The following KLHL13 variants were observed in gnomAD, a reference collection of about 807,000 sequenced individuals.
The protein encoded by KLHL13 is kelch-like protein 13.
In KLHL13, 10 loss-of-function variants were observed where a neutral mutation model predicts 37.1. The ratio of observed to expected loss-of-function variants is 0.27; its 90% CI spans 0.17 to 0.46. The LOEUF is 0.46. KLHL13 is among the 20% of genes least tolerant of loss of function. The pLI is 1.00. For synonymous variants in KLHL13, 163 were observed against 181.2 expected (o/e 0.90, Z 0.81); for missense variants, 360 against 509.3 (o/e 0.71, Z 2.82).
chrX:118,089,598 G>A (rs1385729501), intron 1 of KLHL13, among the ~76,000 whole-genome samples: 1 of 81,820 alleles, frequency 1.2e-5, no homozygotes, highest in African/African-American at 5.2e-5. Context: ...AAGAGAGAGA[G>A]AGAGAGAGAG....
chrX:118,042,827 C>A (rs2054518825), intron 1 of KLHL13, among the ~76,000 whole-genome samples: 1 of 108,487 alleles, frequency 9.2e-6, no homozygotes, highest in African/African-American at 3.4e-5. Flanking sequence ...AACAGTGCAT[C>A]TTAGAGAAAT....
At chrX:118,107,914 G>A (rs918390563) in intron 1 of KLHL13, among the ~76,000 whole-genome samples, 10 of 111,456 alleles carry the variant, frequency 9.0e-5, no homozygotes, top group South Asian at 3.9e-4. Context: ...TTAGCCAGGC[G>A]TGGTGGCATG....
At chrX:118,116,865 T>TGG (rs764710116), upstream of KLHL13, 3 of 12,951 alleles carry the variant, frequency 2.3e-4, no homozygotes, top group Non-Finnish European at 4.7e-4. Context: ...GAGGGGGCAG[T>TGG]GGGGGGGGGA....
At chrX:117,976,889 T>C (rs896351868), upstream of KLHL13, among the ~76,000 whole-genome samples, 1 of 112,197 alleles carries the variant, frequency 8.9e-6, no homozygotes, top group East Asian at 2.8e-4. Flanking sequence ...AGGAGAAGAT[T>C]TGTTGAAATT....
At chrX:117,959,271 G>GT (rs1462765491) in intron 1 of KLHL13, among the ~76,000 whole-genome samples, 1 of 112,032 alleles carries the variant, frequency 8.9e-6, no homozygotes, top group Admixed American at 9.5e-5. Flanking sequence ...GAAAGTGATC[G>GT]TAACGAATGA....
intron 1 of KLHL13, among the ~76,000 whole-genome samples, chrX:117,958,835 C>T (rs1262222029): frequency 9.0e-5 from 10 of 111,379 alleles, no homozygotes; most frequent in Admixed American, 4.8e-4. Flanking sequence ...AATAACAAAA[C>T]GATTGCCAAC....
Position 118,080,042 on chromosome X carries a change from A to G in KLHL13, c.-56+36466T>C, listed in dbSNP as rs982180624. Among the ~76,000 whole-genome samples the G allele has an allele frequency of 2.7e-5, 3 of 111,864 alleles. No homozygotes were observed. The Admixed American group carries it at 2.9e-4, about 11-fold the overall frequency. On this transcript the variant is annotated intron_variant, in intron 1 of 6. Transcript: ENST00000371882. ...ACAAGCAACGGGATAAGGACTCCCT[A>G]TTCAATAAATGGTGCTGGGATACTT...
intron 1 of KLHL13, chrX:117,985,306 C>G (rs1235786873): frequency 8.8e-7 from 1 of 1,138,936 alleles, no homozygotes; most frequent in Non-Finnish European, 1.2e-6. Context: ...GGATCCCTCT[C>G]TCATCAAATT....
chrX:117,933,335 C>T (rs983775515), intron 2 of KLHL13, among the ~76,000 whole-genome samples: 1 of 111,103 alleles, frequency 9.0e-6, no homozygotes, highest in Non-Finnish European at 1.9e-5. Context: ...TGGGACAGAA[C>T]AGAGAACCCA....
rs1055802888 is a variant in KLHL13 at position 117,909,971 on chromosome X, G to C, written c.696C>G (p.Phe232Leu). ...CAAGACGCTCAAAAGGGAGTTTCAAGAACTCCCCTGTGCTCAGCAATGCAG... is the reference window on the plus strand; with the variant it reads ...CAAGACGCTCAAAAGGGAGTTTCAACAACTCCCCTGTGCTCAGCAATGCAG... The change falls in exon 5 of 7, where the codon TTC becomes TTG. Residue 232 changes from phenylalanine to leucine, a missense_variant. Phe to Leu is a conservative substitution (Grantham distance 22, BLOSUM62 0). Transcript: ENST00000262820. 2.5e-6 allele frequency: 3 copies of C among 1,208,776 alleles called. No homozygotes were observed. The African/African-American group carries it at 5.2e-5, about 21-fold the overall frequency.
At chrX:118,069,864 ATT>A (rs1477726106) in intron 1 of KLHL13, among the ~76,000 whole-genome samples, 4 of 112,367 alleles carry the variant, frequency 3.6e-5, no homozygotes, top group African/African-American at 1.3e-4. Context: ...AGGCATTCAC[ATT>A]CTCTTCTCAC....
Position 118,040,860 on chromosome X carries a change from G to T in KLHL13, c.-56+75648C>A, listed in dbSNP as rs150968013. Among the ~76,000 whole-genome samples, 270 of 112,288 alleles carry T rather than the reference G, an allele frequency of 2.4e-3. 1 individual carries two copies. Among genetic ancestry groups the T allele is most frequent in the African/African-American group, 8.4e-3 (260 of 30,975 alleles). On this transcript the variant is annotated intron_variant, in intron 1 of 6. Coordinates refer to the KLHL13 transcript ENST00000371882. ...CAATGGAGCTCCAATACATCTGTCA[G>T]CAGGCTTTTCAGTGGAAACCTTATA...
At chrX:117,922,616 G>A (rs1181207448) in intron 2 of KLHL13, among the ~76,000 whole-genome samples, 2 of 111,368 alleles carry the variant, frequency 1.8e-5, no homozygotes, top group Non-Finnish European at 3.8e-5. Flanking sequence ...TGCTTAAAGT[G>A]TTCGTTTGTG....
intron 2 of KLHL13, among the ~76,000 whole-genome samples, chrX:117,928,173 T>C (rs751749218): frequency 1.1e-4 from 12 of 111,914 alleles, no homozygotes; most frequent in Non-Finnish European, 2.1e-4. Context: ...GTGTGTTTAA[T>C]AGCAGAGTTT....
At chrX:117,959,446 ACAAGAGAAGAG>A (rs1485164714) in intron 1 of KLHL13, among the ~76,000 whole-genome samples, 1 of 112,533 alleles carries the variant, frequency 8.9e-6, no homozygotes, top group Non-Finnish European at 1.9e-5. Context: ...TCACTGTCAG[ACAAGAGAAGAG>A]CTCTGATATA....
At chrX:118,086,646 T>C (rs185211749) in intron 1 of KLHL13, among the ~76,000 whole-genome samples, 38 of 112,043 alleles carry the variant, frequency 3.4e-4, no homozygotes, top group African/African-American at 1.2e-3. Context: ...CGTACTTCCA[T>C]TTGTGTTTAA....
chrX:117,995,140 T>C (rs2053840099), intron 1 of KLHL13, among the ~76,000 whole-genome samples: 1 of 111,318 alleles, frequency 9.0e-6, no homozygotes, highest in Non-Finnish European at 1.9e-5. Flanking sequence ...CTGCCATTTT[T>C]CATTCATTTG....
intron 2 of KLHL13, among the ~76,000 whole-genome samples, chrX:117,926,882 CTTCT>C (rs1932057624): frequency 2.5e-4 from 12 of 48,922 alleles, no homozygotes; most frequent in Non-Finnish European, 4.9e-4. Flanking sequence ...AAGCCCCCTA[CTTCT>C]TTTTTTTTTT....
intron 1 of KLHL13, among the ~76,000 whole-genome samples, chrX:118,073,003 A>G (rs2054887184): frequency 9.1e-6 from 1 of 109,311 alleles, no homozygotes; most frequent in Non-Finnish European, 1.9e-5. Context: ...CTGAGGTGGG[A>G]GAATTGCTTG....
Sources: allele counts gnomAD v4.1 joint callset (sites outside exome capture counted in the v4.1 genomes callset), GRCh38; gene constraint gnomAD v4.1.1; transcripts MANE v1.5; gene names NCBI Gene and HGNC (gene_info 2026-07-23, HGNC 2026-07-21).